The following CCNH variants were observed in gnomAD, a reference collection of about 807,000 sequenced individuals.
CCNH encodes the protein cyclin-H.
Under a neutral mutation model 41.9 loss-of-function variants are expected in CCNH, and 31 were observed. The observed-to-expected ratio is 0.74, with a 90% CI of 0.56 to 1.00. The LOEUF is 1.00. Ranked by LOEUF, CCNH falls within the 50% of genes least tolerant of loss-of-function variation. The pLI is 0.00. For missense variants in CCNH, 362 were observed against 388.4 expected (o/e 0.93, Z 0.57); for synonymous variants, 138 against 136.1 (o/e 1.01, Z -0.10).
chr5:87,404,737 C>T (rs1561352297), intron 5 of CCNH, 107 bp downstream of exon 5: 12 of 875,156 alleles, frequency 1.4e-5, no homozygotes, highest in South Asian at 6.5e-5. Flanking sequence ...TTCTTCTCAC[C>T]AACCATCCCA....
At chr5:87,338,501 T>TTATATATATATA (rs3069490) in intron 9 of CCNH, among the ~76,000 whole-genome samples, 1 of 75,682 alleles carries the variant, frequency 1.3e-5, no homozygotes, top group African/African-American at 4.9e-5. Context: ...CCAGCTAATT[T>TTATATATATATA]TATATATATA....
intron 2 of CCNH, 39 bp downstream of exon 2, chr5:87,411,185 A>C: frequency 6.4e-7 from 1 of 1,571,866 alleles, no homozygotes. Flanking sequence ...TTCACAAGCC[A>C]ACTAAAGGAC....
At chr5:87,393,693 A>G (rs1382553617), downstream of CCNH, 3 of 152,126 alleles carry the variant, frequency 2.0e-5, no homozygotes, top group Non-Finnish European at 4.4e-5. Context: ...GGCTGTGGTG[A>G]TGTGTGCCTG....
At chr5:87,386,765 C>T, downstream of CCNH, 1 of 1,447,382 alleles carries the variant, frequency 6.9e-7, no homozygotes, top group East Asian at 2.3e-5. Context: ...TTTGCACCAA[C>T]CTAATAGATC....
At chr5:87,374,195 C>T (rs746619669), downstream of CCNH, 45 of 1,569,304 alleles carry the variant, frequency 2.9e-5, no homozygotes, top group Non-Finnish European at 3.7e-5. Flanking sequence ...TTGAAGAAGC[C>T]CATAAACTCC....
At position 87,383,716 on chromosome 5, in the gene CCNH, TTTTG is replaced by T. The variant is rs886041232; in HGVS notation, c.*90+9050_*90+9053del. On this transcript the variant is annotated intron_variant and NMD_transcript_variant, in intron 9 of 9. Coordinates refer to the CCNH transcript ENST00000645953. ...AAAAAATTTCCCTCCCATTCAGTGG[TTTTG>T]TTTTTCTTCGACTCATCTGTCCTGC... 1.2e-6 allele frequency: 2 copies of T among 1,608,304 alleles called. No individual in the cohort carries two copies. The highest frequency in any genetic ancestry group is 1.3e-5 in the African/African-American group (1 of 74,506).
At chr5:87,338,924 C>G (rs75917949) in intron 9 of CCNH, among the ~76,000 whole-genome samples, 10 of 152,016 alleles carry the variant, frequency 6.6e-5, no homozygotes, top group Admixed American at 6.6e-4. Flanking sequence ...ATCATGGTAT[C>G]AATTACCAGG....
chr5:87,355,317 G>A (rs2112437198), intron 9 of CCNH, among the ~76,000 whole-genome samples: 1 of 152,256 alleles, frequency 6.6e-6, no homozygotes, highest in Admixed American at 6.5e-5. Context: ...GTGACTTTAG[G>A]TTGAAACCAA....
At chr5:87,338,051 A>G in intron 9 of CCNH, 1 of 1,612,330 alleles carries the variant, frequency 6.2e-7, no homozygotes, top group Non-Finnish European at 8.5e-7. Context: ...TTAAGAACAG[A>G]TGAACAAGGC....
chr5:87,346,906 T>G (rs1758903005), intron 9 of CCNH, among the ~76,000 whole-genome samples: 1 of 152,030 alleles, frequency 6.6e-6, no homozygotes, highest in Non-Finnish European at 1.5e-5. Context: ...TGTTATAAAA[T>G]TTAGTCAAGT....
chr5:87,378,497 G>C, upstream of CCNH: 1 of 1,611,836 alleles, frequency 6.2e-7, no homozygotes, highest in Non-Finnish European at 8.5e-7. Flanking sequence ...TGCTTTGAAA[G>C]ACTCTATTTT....
At chr5:87,376,639 A>C in exon 1 of CCNH, 1 of 1,521,846 alleles carries the variant, frequency 6.6e-7, no homozygotes, top group Non-Finnish European at 9.1e-7. Context: ...AAGATCCATT[A>C]AGGTAAACAT....
downstream of CCNH, chr5:87,374,760 TA>T: frequency 6.4e-7 from 1 of 1,572,000 alleles, no homozygotes; most frequent in Non-Finnish European, 8.6e-7. Context: ...ATAGGGGGTT[TA>T]TTTGATACTA....
At chr5:87,380,575 C>G, upstream of CCNH, 1 of 1,612,334 alleles carries the variant, frequency 6.2e-7, no homozygotes, top group Non-Finnish European at 8.5e-7. Flanking sequence ...CAAATACCAC[C>G]ATGAGAACAA....
chr5:87,313,157 A>G, the CCNH span, among the ~76,000 whole-genome samples: 1 of 152,212 alleles, frequency 6.6e-6, no homozygotes, highest in African/African-American at 2.4e-5. Context: ...GAGGAAACTC[A>G]CATTTCTATC....
downstream of CCNH, among the ~76,000 whole-genome samples, chr5:87,390,617 C>G (rs1057100639): frequency 6.6e-6 from 1 of 152,112 alleles, no homozygotes; most frequent in African/African-American, 2.4e-5. Flanking sequence ...TAAAAATTCT[C>G]TTAGTTATGA....
rs1395749005 is a variant in CCNH, at chr5:87,377,057, T to C, written n.124A>G. On this transcript the variant is annotated non_coding_transcript_exon_variant, in exon 1 of 1. Transcript: ENST00000607486. ...GCATGGAAGGTATGGTATGGCCATG[T>C]TAGTGTGATACAAGAAACTGGGTTT... is the stretch of plus-strand genomic sequence containing the variant. 3 of 1,607,902 alleles carry C rather than the reference T, an allele frequency of 1.9e-6. No individual in the cohort carries two copies. The highest frequency in any genetic ancestry group is 1.3e-5 in the African/African-American group (1 of 74,762).
Position 87,412,908 on chromosome 5 carries a change from C to T in CCNH, c.-114G>A, listed in dbSNP as rs1014294371. 4.8e-5 allele frequency: 71 copies of T among 1,480,160 alleles called. No individual in the cohort carries two copies. In the South Asian group the frequency reaches 5.7e-4, roughly 12 times the overall value. 91.7% of individuals were successfully genotyped at this position (1,480,160 alleles called of 1,614,324 possible). On this transcript the variant is annotated 5_prime_UTR_variant, in exon 1 of 9. Coordinates refer to ENST00000256897, the MANE Select transcript of CCNH (RefSeq NM_001239.4). ...AGATCTCGCGGAAGCCTAGGGCGTC[C>T]GGCTAGCCGGCGCTGGCGCGCTGTC...
At chr5:87,328,688 C>T (rs1351558743) in intron 9 of CCNH, among the ~76,000 whole-genome samples, 2 of 152,082 alleles carry the variant, frequency 1.3e-5, no homozygotes. Flanking sequence ...ATATATGATT[C>T]TCTATGCAGG....
Sources: allele counts gnomAD v4.1 joint callset (sites outside exome capture counted in the v4.1 genomes callset), GRCh38; gene constraint gnomAD v4.1.1; transcripts MANE v1.5; gene names NCBI Gene and HGNC (gene_info 2026-07-23, HGNC 2026-07-21).